VPS26A: variants seen among roughly 807,000 people sequenced by gnomAD.
The protein encoded by VPS26A is vacuolar protein sorting-associated protein 26A.
In VPS26A, 22 loss-of-function variants were observed where a neutral mutation model predicts 42.4. The observed-to-expected ratio is 0.52, with a 90% CI of 0.37 to 0.74. The LOEUF (loss-of-function observed/expected upper bound fraction) is 0.74, where lower values mean the gene tolerates loss of function less well. Among genes scored for constraint, VPS26A ranks in the 30% least tolerant of loss-of-function variants. The pLI, the probability that VPS26A is intolerant of heterozygous loss-of-function variation, is 0.00. For missense variants in VPS26A, 276 were observed against 379.2 expected, an observed-to-expected ratio of 0.73 and a Z score of 2.26; for synonymous variants, 110 against 123.5, an observed-to-expected ratio of 0.89 and a Z score of 0.73.
At chr10:69,164,843 T>G (rs999437706) in intron 6 of VPS26A, among the ~76,000 whole-genome samples, 2 of 152,126 alleles carry the variant, frequency 1.3e-5, no homozygotes, top group African/African-American at 2.4e-5. Flanking sequence ...GCTGACCAGT[T>G]GTCCTGATAT....
chr10:69,155,101 G>C (rs1193278958), intron 2 of VPS26A, among the ~76,000 whole-genome samples: 2 of 151,778 alleles, frequency 1.3e-5, no homozygotes, highest in African/African-American at 4.8e-5. Context: ...AGTAAGCTAT[G>C]ATTGTGCCAC....
At position 69,149,734 on chromosome 10, in the gene VPS26A, G is replaced by GTTT. The variant is rs869048277; in HGVS notation, c.154-6050_154-6048dup. Among the ~76,000 whole-genome samples the GTTT allele has an allele frequency of 3.1e-3, 66 of 21,396 alleles. 3 individuals carry two copies. The highest frequency in any genetic ancestry group is 5.5e-3 in the African/African-American group (60 of 10,992). 14.0% of individuals were successfully genotyped at this position (21,396 alleles called of 152,430 possible). On this transcript the variant is annotated intron_variant, in intron 2 of 8. Transcript: ENST00000263559. ...AATGTTAACTTTCTTGGTGTTTTTTGTTTTTTTTTTTTTTTTTTTTTTTTT... is the reference window on the plus strand; with the variant it reads ...AATGTTAACTTTCTTGGTGTTTTTTGTTTTTTTTTTTTTTTTTTTTTTTTTTTT...
At chr10:69,127,800 G>A (rs369703929) in intron 1 of VPS26A, among the ~76,000 whole-genome samples, 21 of 130,250 alleles carry the variant, frequency 1.6e-4, no homozygotes, top group Middle Eastern at 4.2e-3. Flanking sequence ...CTGCAGCCTC[G>A]ACCTCCTGGG....
intron 6 of VPS26A, among the ~76,000 whole-genome samples, chr10:69,164,525 T>C (rs1487143124): frequency 2.0e-5 from 3 of 152,134 alleles, no homozygotes; most frequent in Admixed American, 6.5e-5. Flanking sequence ...AATTCCTTTT[T>C]CTAATATTAA....
chr10:69,149,516 A>AT (rs1034857114), intron 2 of VPS26A, among the ~76,000 whole-genome samples: 8 of 151,594 alleles, frequency 5.3e-5, no homozygotes, highest in South Asian at 2.1e-4. Context: ...CACATTTAAA[A>AT]TTTTTTTTTA....
At chr10:69,142,970 A>G (rs906861056) in intron 2 of VPS26A, among the ~76,000 whole-genome samples, 3 of 152,332 alleles carry the variant, frequency 2.0e-5, no homozygotes, top group East Asian at 1.9e-4. Flanking sequence ...GAGGTTCTAG[A>G]ATATAAGAAA....
chr10:69,150,968 T>C (rs556956446), intron 2 of VPS26A, among the ~76,000 whole-genome samples: 162 of 151,968 alleles, frequency 1.1e-3, no homozygotes, highest in Admixed American at 4.9e-3. Context: ...GAATTGGTAT[T>C]AAGACTCTTG....
chr10:69,165,666 C>T (rs982157825), intron 6 of VPS26A, among the ~76,000 whole-genome samples: 1 of 151,990 alleles, frequency 6.6e-6, no homozygotes, highest in African/African-American at 2.4e-5. Context: ...AAAACTTAGC[C>T]AGGCATGATA....
chr10:69,125,635 G>A (rs938066928), intron 1 of VPS26A, among the ~76,000 whole-genome samples: 1 of 152,112 alleles, frequency 6.6e-6, no homozygotes, highest in African/African-American at 2.4e-5. Flanking sequence ...TTTGAATTAT[G>A]TTCAAGAGCA....
chr10:69,133,031 A>G lies in VPS26A; in HGVS notation c.137A>G (p.Glu46Gly). 1 of 1,603,926 alleles carries G rather than the reference A, an allele frequency of 6.2e-7. No homozygotes were observed. The highest frequency in any genetic ancestry group is 1.7e-4 in the Middle Eastern group (1 of 6,028). Residue 46 changes from glutamate to glycine, a missense_variant, in exon 2 of 9, where the codon GAA becomes GGA. Glu to Gly is a moderately conservative substitution (Grantham distance 98). Transcript: ENST00000263559. ...AAACACTATCTCTTCTATGACGGAGAATCCGTTTCAGGAAAGGTAAATCTT... is the reference window on the plus strand; with the variant it reads ...AAACACTATCTCTTCTATGACGGAGGATCCGTTTCAGGAAAGGTAAATCTT... ...VEKHYLFYDG[E>G]SVSGKVNLAF...
chr10:69,143,445 C>G (rs1272027263), intron 2 of VPS26A, among the ~76,000 whole-genome samples: 1 of 152,108 alleles, frequency 6.6e-6, no homozygotes, highest in Non-Finnish European at 1.5e-5. Context: ...GAATAAATTC[C>G]TTTTTAATAT....
chr10:69,140,525 C>T (rs1841018015), intron 2 of VPS26A, among the ~76,000 whole-genome samples: 1 of 151,926 alleles, frequency 6.6e-6, no homozygotes, highest in Non-Finnish European at 1.5e-5. Flanking sequence ...GGGCACACTA[C>T]CACGCCCAAT....
intron 1 of VPS26A, among the ~76,000 whole-genome samples, chr10:69,132,062 C>T (rs999354269): frequency 6.6e-6 from 1 of 152,158 alleles, no homozygotes; most frequent in African/African-American, 2.4e-5. Context: ...ACTACAAGGG[C>T]TTTCACAGTG....
At position 69,148,449 on chromosome 10, in the gene VPS26A, C is replaced by T. The variant is rs1369915508; in HGVS notation, c.154-7363C>T. 2.0e-5 allele frequency among the ~76,000 whole-genome samples: 3 copies of T among 152,304 alleles called. No homozygotes were observed. The East Asian group carries it at 5.8e-4, about 29-fold the overall frequency. On this transcript the variant is annotated intron_variant, in intron 2 of 8. Coordinates refer to ENST00000263559, the MANE Select transcript of VPS26A (RefSeq NM_004896.5). ...CAAGGAATATTTTTGTGGCATCTTTCATCAATATGCATATGGACTATGACA... is the reference window on the plus strand; with the variant it reads ...CAAGGAATATTTTTGTGGCATCTTTTATCAATATGCATATGGACTATGACA...
chr10:69,146,577 C>G (rs909872251), intron 2 of VPS26A, among the ~76,000 whole-genome samples: 2 of 152,150 alleles, frequency 1.3e-5, no homozygotes, highest in Non-Finnish European at 2.9e-5. Flanking sequence ...CGGTAACTCC[C>G]CATCTTCCAG....
intron 2 of VPS26A, among the ~76,000 whole-genome samples, chr10:69,142,738 CAA>C (rs35356640): frequency 0.19 from 23,145 of 118,760 alleles, 2,306 homozygotes; most frequent in Non-Finnish European, 0.27. Context: ...CCCCACTATT[CAA>C]AAAAAAAAAA....
At chr10:69,128,039 T>C (rs1840700330) in intron 1 of VPS26A, among the ~76,000 whole-genome samples, 1 of 151,654 alleles carries the variant, frequency 6.6e-6, no homozygotes, top group East Asian at 1.9e-4. Context: ...ATCCAGAAAA[T>C]AATAGAGGAT....
chr10:69,157,947 C>A, intron 4 of VPS26A, 100 bp from the exon 5 acceptor site: 1 of 1,080,986 alleles, frequency 9.3e-7, no homozygotes, highest in Non-Finnish European at 1.3e-6. Context: ...GGAGTTCCAG[C>A]AAGGAGGAGA....
intron 2 of VPS26A, among the ~76,000 whole-genome samples, chr10:69,154,657 G>GT (rs748631482): frequency 2.0e-5 from 3 of 152,338 alleles, no homozygotes; most frequent in Non-Finnish European, 4.4e-5. Context: ...GAGGCCAGGA[G>GT]TTTGAGACCA....
Sources: gnomAD v4.1 joint callset for allele counts (sites outside exome capture counted in the v4.1 genomes callset) on GRCh38, gnomAD v4.1.1 for gene constraint, MANE v1.5 for transcripts, NCBI Gene and HGNC (gene_info 2026-07-23, HGNC 2026-07-21) for gene names.